DYM: variants seen among roughly 807,000 people sequenced by gnomAD.
DYM encodes the protein dymeclin.
A neutral mutation model predicts 93.1 loss-of-function variants in DYM; 78 were observed. That is an observed-to-expected ratio of 0.84 (90% CI 0.70 to 1.01). The LOEUF is 1.01. Ranked by LOEUF, DYM falls within the 50% of genes least tolerant of loss-of-function variation. The probability of loss-of-function intolerance (pLI) is 0.00; values close to 1 mark genes in which losing one functional copy is unlikely to be tolerated. For missense variants in DYM, 789 were observed against 845.0 expected (o/e 0.93, Z 0.82); for synonymous variants, 321 against 319.7 (o/e 1.00, Z -0.04).
At chr18:49,151,799 T>C (rs2085845412) in intron 15 of DYM, among the ~76,000 whole-genome samples, 1 of 152,158 alleles carries the variant, frequency 6.6e-6, no homozygotes, top group South Asian at 2.1e-4. Context: ...CTTTTCTTCC[T>C]ATTGGGAACT....
intron 8 of DYM, among the ~76,000 whole-genome samples, chr18:49,328,982 AC>A (rs1307026335): frequency 1.3e-5 from 2 of 152,110 alleles, no homozygotes; most frequent in Non-Finnish European, 2.9e-5. Flanking sequence ...ACACACACAC[AC>A]ATATGTTTAT....
intron 17 of DYM, among the ~76,000 whole-genome samples, chr18:49,068,997 T>C (rs1177038190): frequency 1.3e-5 from 2 of 152,344 alleles, no homozygotes; most frequent in East Asian, 1.9e-4. Context: ...AGAATGTATA[T>C]TGAGGAGACA....
chr18:49,176,121 A>G (rs551106129), intron 14 of DYM, among the ~76,000 whole-genome samples: 1 of 152,292 alleles, frequency 6.6e-6, no homozygotes, highest in East Asian at 1.9e-4. Flanking sequence ...CAGGAATTGA[A>G]TTTCCCCTAG....
Position 49,152,476 on chromosome 18 carries a change from T to G in DYM, c.1728+11209A>C, listed in dbSNP as rs796686317. Among the ~76,000 whole-genome samples, 51 of 152,214 alleles carry G rather than the reference T, an allele frequency of 3.4e-4. 2 individuals are homozygous for G. The highest frequency in any genetic ancestry group is 1.2e-3 in the African/African-American group (51 of 41,516). The stretch of plus-strand genomic sequence containing the variant: ...TGGCTTTTCATAAGGAAAAAAGTGG[T>G]AGGGTCAGGGGGGATGAGGAGTTTG... On this transcript the variant is annotated intron_variant, in intron 15 of 17. Coordinates refer to ENST00000675505, the MANE Select transcript of DYM (RefSeq NM_001353214.3).
chr18:49,292,592 G>GAAAA (rs72415237), intron 8 of DYM, among the ~76,000 whole-genome samples: 66 of 78,780 alleles, frequency 8.4e-4, no homozygotes, highest in Non-Finnish European at 1.3e-3. Context: ...TTTCCTGTTG[G>GAAAA]AAAAAAAAAA....
intron 14 of DYM, among the ~76,000 whole-genome samples, chr18:49,186,785 G>A (rs1027232295): frequency 6.6e-6 from 1 of 152,050 alleles, no homozygotes; most frequent in Non-Finnish European, 1.5e-5. Flanking sequence ...AAAAATGCAC[G>A]CATAATCCAG....
At chr18:49,122,270 C>T (rs1015578524) in intron 15 of DYM, among the ~76,000 whole-genome samples, 6 of 152,156 alleles carry the variant, frequency 3.9e-5, no homozygotes, top group Middle Eastern at 3.2e-3. Context: ...AGATTGTTTA[C>T]GGTGATGACA....
chr18:49,149,702 GTTT>G (rs35259913), intron 15 of DYM, among the ~76,000 whole-genome samples: 1 of 76,844 alleles, frequency 1.3e-5, no homozygotes, highest in Non-Finnish European at 2.3e-5. Context: ...ATTACAAAGT[GTTT>G]TTTTTTTTTT....
chr18:49,175,786 T>C (rs573749336), intron 14 of DYM, among the ~76,000 whole-genome samples: 1 of 152,232 alleles, frequency 6.6e-6, no homozygotes, highest in South Asian at 2.1e-4. Context: ...ATTTCAACAC[T>C]ATAAAGAAAA....
intron 5 of DYM, 39 bp from the exon 6 acceptor site, chr18:49,363,272 A>G: frequency 4.3e-6 from 6 of 1,403,546 alleles, no homozygotes; most frequent in Non-Finnish European, 6.1e-6. Flanking sequence ...TTAACAAAGT[A>G]CACAGTAGAA....
At chr18:49,239,484 G>C (rs550845121) in intron 13 of DYM, among the ~76,000 whole-genome samples, 167 of 152,284 alleles carry the variant, frequency 1.1e-3, no homozygotes, top group South Asian at 1.0e-2. Context: ...TCTTGAATCT[G>C]GGCTGGTCTC....
At chr18:49,359,193 G>C (rs759560201) in intron 6 of DYM, among the ~76,000 whole-genome samples, 15 of 152,132 alleles carry the variant, frequency 9.9e-5, no homozygotes, top group South Asian at 2.1e-4. Flanking sequence ...TTACTTCACT[G>C]AGACACAGGG....
In DYM at chr18:49,315,207, C is replaced by T. The variant is rs573911595; in HGVS notation, c.763+16657G>A. Among the ~76,000 whole-genome samples the T allele has an allele frequency of 3.9e-5, 5 of 127,046 alleles. No individual in the cohort carries two copies. The South Asian group carries it at 1.1e-3, about 28-fold the overall frequency. The allele number at this position is 127,046 out of a possible 152,430, so 83.3% of individuals were successfully genotyped here. A position where few individuals can be genotyped will look rare whatever the true frequency, so the allele number is the denominator to read the frequency against. On this transcript the variant is annotated intron_variant, in intron 8 of 17. Coordinates refer to ENST00000675505, the MANE Select transcript of DYM (RefSeq NM_001353214.3). Reference sequence around the variant, plus strand: ...TCCAGCCTGGGTGACAGAGCAAGACCCTGTGTTAAAAAAAAAAAAAGAAGA... The same window carrying T: ...TCCAGCCTGGGTGACAGAGCAAGACTCTGTGTTAAAAAAAAAAAAAGAAGA...
rs1555678795 is a variant in DYM at position 49,289,788 on chromosome 18, TAC to T, written c.764-3174_764-3173del. Among the ~76,000 whole-genome samples, 126 of 40,172 alleles carry T rather than the reference TAC, an allele frequency of 3.1e-3. 2 individuals carry two copies. The highest frequency in any genetic ancestry group is 0.015 in the South Asian group (18 of 1,210). 26.4% of individuals were successfully genotyped at this position (40,172 alleles called of 152,430 possible). On this transcript the variant is annotated intron_variant, in intron 8 of 17. Coordinates refer to ENST00000675505, the MANE Select transcript of DYM (RefSeq NM_001353214.3). ...ATATATATATACACATATATATATA[TAC>T]ACACATATATATATATATACACATA...
chr18:49,058,711 AAAC>A (rs1225545703), intron 17 of DYM, among the ~76,000 whole-genome samples: 1 of 152,252 alleles, frequency 6.6e-6, no homozygotes. Flanking sequence ...CATGAAAATT[AAAC>A]AACATTGAGA....
chr18:49,411,226 T>C (rs1481667414), intron 2 of DYM, among the ~76,000 whole-genome samples: 1 of 152,162 alleles, frequency 6.6e-6, no homozygotes, highest in Non-Finnish European at 1.5e-5. Flanking sequence ...AATATCAACC[T>C]AGAAACACTC....
At chr18:49,383,877 A>G (rs920850715) in intron 3 of DYM, among the ~76,000 whole-genome samples, 1 of 152,216 alleles carries the variant, frequency 6.6e-6, no homozygotes, top group Non-Finnish European at 1.5e-5. Context: ...CAACCAGAGG[A>G]TAAGAAATGA....
At chr18:49,417,668 A>T (rs1458296169) in intron 2 of DYM, among the ~76,000 whole-genome samples, 2 of 152,196 alleles carry the variant, frequency 1.3e-5, no homozygotes, top group Non-Finnish European at 2.9e-5. Flanking sequence ...ATTATTTATC[A>T]AAAAAAGAGA....
chr18:49,379,712 G>A lies in DYM; in HGVS notation c.240C>T (p.Val80=). ...RTGNLGALIK[V]FLSRTKELKL... The stretch of plus-strand genomic sequence containing the variant: ...TTAGTTCTTTGGTTCTAGAAAGGAA[G>A]ACCTTAATTAGTGCACCAAGATTTC... The change falls in exon 4 of 18, where the codon GTC becomes GTT. Residue 80 remains valine (V), a synonymous_variant. Coordinates refer to ENST00000675505, the MANE Select transcript of DYM (RefSeq NM_001353214.3). 1 of 1,613,380 alleles carries A rather than the reference G, an allele frequency of 6.2e-7. No individual in the cohort carries two copies. The highest frequency in any genetic ancestry group is 1.1e-5 in the South Asian group (1 of 91,060).
Sources: gnomAD v4.1 joint callset for allele counts (sites outside exome capture counted in the v4.1 genomes callset) on GRCh38, gnomAD v4.1.1 for gene constraint, MANE v1.5 for transcripts, NCBI Gene and HGNC (gene_info 2026-07-23, HGNC 2026-07-21) for gene names.